UPF3A: variants seen among roughly 807,000 people sequenced by gnomAD.
UPF3A encodes regulator of nonsense transcripts 3A.
Under a neutral mutation model 53.5 loss-of-function variants are expected in UPF3A, and 42 were observed. That is an observed-to-expected ratio of 0.78 (90% CI 0.61 to 1.01). The LOEUF (loss-of-function observed/expected upper bound fraction) is 1.01. UPF3A is among the 50% of genes least tolerant of loss of function. The pLI is 0.00. For synonymous variants in UPF3A, 237 were observed against 225.3 expected (o/e 1.05, Z -0.47); for missense variants, 575 against 598.0 (o/e 0.96, Z 0.40).
At chr13:114,303,874 A>G (rs1289947385) in intron 9 of UPF3A, among the ~76,000 whole-genome samples, 2 of 152,136 alleles carry the variant, frequency 1.3e-5, no homozygotes, top group African/African-American at 4.8e-5. Context: ...CACCCCTCCC[A>G]TTGGTCAGGT....
chr13:114,286,344 A>G lies in UPF3A; in HGVS notation c.464A>G (p.Lys155Arg). Residue 155 changes from lysine (K) to arginine (R), a missense_variant, in exon 4 of 10, where the codon AAG (lysine) becomes AGG (arginine). Around this residue, in one of 2 missense-constraint regions of UPF3A, gnomAD observed 323 missense variants for 415.2 expected, o/e 0.78. Coordinates refer to ENST00000375299, the MANE Select transcript of UPF3A (RefSeq NM_023011.4). ...PAVVEFAPFQKIAKKKLRKKD... is the reference protein window; with the variant it reads ...PAVVEFAPFQRIAKKKLRKKD... ...GTGGTAGAGTTTGCTCCATTCCAGAAGATAGCCAAAAAGAAGCTGAGAAAA... is the reference window on the plus strand; with the variant it reads ...GTGGTAGAGTTTGCTCCATTCCAGAGGATAGCCAAAAAGAAGCTGAGAAAA... The G allele has an allele frequency of 1.9e-6, 3 of 1,614,226 alleles. No individual in the cohort carries two copies. Among genetic ancestry groups the G allele is most frequent in the Non-Finnish European group, 2.5e-6 (3 of 1,180,044 alleles).
In UPF3A at chr13:114,301,832, G is replaced by T. The variant is rs759940081; in HGVS notation, c.1109G>T (p.Arg370Ile). The T allele has an allele frequency of 3.7e-6, 6 of 1,613,816 alleles. No homozygotes were observed. In the Admixed American group the frequency reaches 1.0e-4, roughly 27 times the overall value. Residue 370 changes from arginine (R) to isoleucine (I), a missense_variant, in exon 9 of 10, where the codon AGA (arginine) becomes ATA (isoleucine). Arg to Ile is a moderately conservative substitution (Grantham distance 97, BLOSUM62 -3). Coordinates refer to ENST00000375299, the MANE Select transcript of UPF3A (RefSeq NM_023011.4). ...CATGTGGATGACGGCAGGAGGCACA[G>T]AGCTCACCACGAGCCTGAACGGCTT... ...RYHVDDGRRH[R>I]AHHEPERLSR...
At chr13:114,282,778 T>G in intron 2 of UPF3A, 59 bp from the exon 3 acceptor site, 1 of 1,558,958 alleles carries the variant, frequency 6.4e-7, no homozygotes, top group East Asian at 2.3e-5. Flanking sequence ...AAAAAGAGGC[T>G]AAATTAATGG....
At chr13:114,295,515 G>T (rs1216906747) in intron 7 of UPF3A, among the ~76,000 whole-genome samples, 1 of 152,160 alleles carries the variant, frequency 6.6e-6, no homozygotes, top group Non-Finnish European at 1.5e-5. Context: ...TTCCCCAGAT[G>T]TGCCCGTGGC....
At chr13:114,286,726 A>C in intron 5 of UPF3A, 97 bp downstream of exon 5, 3 of 967,548 alleles carry the variant, frequency 3.1e-6, no homozygotes, top group Non-Finnish European at 4.5e-6. Context: ...TAACAAGTTG[A>C]AACTTGTTAC....
intron 7 of UPF3A, among the ~76,000 whole-genome samples, chr13:114,295,643 A>G (rs1040551024): frequency 3.9e-5 from 6 of 152,094 alleles, no homozygotes; most frequent in Non-Finnish European, 7.4e-5. Flanking sequence ...GTAGCTTTTG[A>G]TGCTACCTGA....
Position 114,291,502 on chromosome 13 carries a change from A to T in UPF3A, c.645A>T (p.Thr215=). ...TTTGTGTTTTAGCTAGAAGAACCAC[A>T]CCTCTTTTGGAATATATTAAAAATA... ...KTRELIARRT[T]PLLEYIKNRK... Residue 215 remains threonine (T), a synonymous_variant, in exon 6 of 10, where the codon ACA becomes ACT. Coordinates refer to ENST00000375299, the MANE Select transcript of UPF3A (RefSeq NM_023011.4). The T allele has an allele frequency of 6.2e-7, 1 of 1,607,990 alleles. No individual in the cohort carries two copies. Among genetic ancestry groups the T allele is most frequent in the Non-Finnish European group, 8.5e-7 (1 of 1,178,380 alleles).
intron 5 of UPF3A, among the ~76,000 whole-genome samples, chr13:114,290,879 G>A (rs990720031): frequency 4.6e-5 from 7 of 151,834 alleles, no homozygotes; most frequent in Non-Finnish European, 8.8e-5. Context: ...GATTATAGGC[G>A]CGTGCCATCA....
chr13:114,283,969 A>G, intron 3 of UPF3A: 1 of 985,460 alleles, frequency 1.0e-6, no homozygotes, highest in Non-Finnish European at 1.2e-6. Context: ...GCATTAGCCA[A>G]GCTAGTTCCT....
intron 2 of UPF3A, 188 bp from the exon 3 acceptor site, chr13:114,282,649 C>T (rs750078080): frequency 6.1e-6 from 6 of 985,312 alleles, no homozygotes; most frequent in Non-Finnish European, 7.2e-6. Context: ...CTGAGTTCTG[C>T]CTTGTAAAGT....
chr13:114,300,654 C>T (rs2086519339), intron 8 of UPF3A, among the ~76,000 whole-genome samples: 2 of 152,118 alleles, frequency 1.3e-5, no homozygotes, highest in African/African-American at 4.8e-5. Flanking sequence ...ATTCTCCTGC[C>T]TCAGCCTCCT....
chr13:114,283,992 A>G (rs771729107), intron 3 of UPF3A: 34 of 985,352 alleles, frequency 3.5e-5, no homozygotes, highest in Non-Finnish European at 3.9e-5. Flanking sequence ...GACTAGAAGC[A>G]AATGTGATGC....
At chr13:114,291,429 G>A in intron 5 of UPF3A, 60 bp from the exon 6 acceptor site, 1 of 1,407,386 alleles carries the variant, frequency 7.1e-7, no homozygotes, top group South Asian at 1.3e-5. Flanking sequence ...TTCAAAACAA[G>A]TATTTAAAAT....
chr13:114,282,823 A>C lies in UPF3A; in HGVS notation c.315-14A>C, dbSNP rs774117816. On this transcript the variant is annotated splice_polypyrimidine_tract_variant and intron_variant, in intron 2 of 9. Transcript: ENST00000375299. ...TTTTTCACTGACCATTTTCACTGTT[A>C]TCTCTTATTTCAGTCTTTATCCTCA... 1.3e-6 allele frequency: 2 copies of C among 1,594,740 alleles called. No individual in the cohort carries two copies. Among genetic ancestry groups the C allele is most frequent in the South Asian group, 1.1e-5 (1 of 88,744 alleles).
At chr13:114,304,037 C>T (rs2086826261) in intron 9 of UPF3A, among the ~76,000 whole-genome samples, 1 of 152,242 alleles carries the variant, frequency 6.6e-6, no homozygotes, top group African/African-American at 2.4e-5. Flanking sequence ...GCAGCCCACA[C>T]TTGGGCTCCT....
Position 114,299,074 on chromosome 13 carries a change from G to A in UPF3A, c.1007+74G>A, listed in dbSNP as rs190712941. ...ACGTAGGCTTTGTCAGTATGAGTAT[G>A]CCTATTTCACACTGTTCTTGGAATC... On this transcript the variant is annotated intron_variant, in intron 8 of 9. Coordinates refer to ENST00000375299, the MANE Select transcript of UPF3A (RefSeq NM_023011.4). 2.4e-3 allele frequency: 3,344 copies of A among 1,403,058 alleles called. 13 individuals carry two copies. The highest frequency in any genetic ancestry group is 2.8e-3 in the Non-Finnish European group (3,000 of 1,064,118). 86.9% of individuals were successfully genotyped at this position (1,403,058 alleles called of 1,614,324 possible). A position where few individuals can be genotyped will look rare whatever the true frequency, so the allele number is the denominator to read the frequency against.
At chr13:114,294,273 TG>T (rs11455010) in intron 7 of UPF3A, among the ~76,000 whole-genome samples, 3,469 of 143,016 alleles carry the variant, frequency 0.024, 152 homozygotes, top group African/African-American at 0.085. Context: ...TTGGTTTTGG[TG>T]GGGGGGGGGT....
chr13:114,283,986 A>G, intron 3 of UPF3A: 1 of 985,472 alleles, frequency 1.0e-6, no homozygotes, highest in Non-Finnish European at 1.2e-6. Context: ...TCCTGTGACT[A>G]GAAGCAAATG....
rs1466799321 is a variant in UPF3A, at chr13:114,291,617, C to T, written c.688-17C>T. On this transcript the variant is annotated splice_polypyrimidine_tract_variant and intron_variant, in intron 6 of 9. Coordinates refer to ENST00000375299, the MANE Select transcript of UPF3A (RefSeq NM_023011.4). ...CTCATCCAGGCAGTTTATACACACGCTCTTCCATGTCTTTAGAGAATTCGA... is the reference window on the plus strand; with the variant it reads ...CTCATCCAGGCAGTTTATACACACGTTCTTCCATGTCTTTAGAGAATTCGA... The T allele has an allele frequency of 3.7e-6, 6 of 1,606,056 alleles. No homozygotes were observed. Among genetic ancestry groups the T allele is most frequent in the Non-Finnish European group, 5.1e-6 (6 of 1,178,072 alleles).
Sources: allele counts gnomAD v4.1 joint callset (sites outside exome capture counted in the v4.1 genomes callset), GRCh38; gene constraint gnomAD v4.1.1; regional missense constraint gnomAD v4.1.1; transcripts MANE v1.5; gene names NCBI Gene and HGNC (gene_info 2026-07-23, HGNC 2026-07-21).